ANXA4: variants seen among roughly 807,000 people sequenced by gnomAD.
The protein encoded by ANXA4 is 35-beta calcimedin.
ANXA4 carries 39 observed loss-of-function variants against 49.8 expected under a neutral mutation model. That is an observed-to-expected ratio of 0.78 (90% confidence interval 0.61 to 1.02). ANXA4 has a LOEUF of 1.02. Among genes scored for constraint, ANXA4 ranks in the 50% least tolerant of loss-of-function variants. The pLI, the probability that ANXA4 is intolerant of heterozygous loss-of-function variation, is 0.00. For missense variants in ANXA4, 360 were observed against 410.1 expected (o/e 0.88, Z 1.05); for synonymous variants, 134 against 152.5 (o/e 0.88, Z 0.89).
intron 1 of ANXA4, among the ~76,000 whole-genome samples, chr2:69,776,535 ACATCAAG>A (rs1270772504): frequency 6.6e-6 from 1 of 151,284 alleles, no homozygotes; most frequent in Admixed American, 6.6e-5. Flanking sequence ...GGGGGTTCCC[ACATCAAG>A]CATCAAGCAG....
intron 3 of ANXA4, among the ~76,000 whole-genome samples, chr2:69,797,732 C>T (rs1205568206): frequency 6.6e-6 from 1 of 152,202 alleles, no homozygotes; most frequent in Non-Finnish European, 1.5e-5. Flanking sequence ...AGAGAGAGTA[C>T]TGAGACTAAA....
intron 2 of ANXA4, among the ~76,000 whole-genome samples, chr2:69,785,916 G>A (rs1379013350): frequency 6.6e-6 from 1 of 152,140 alleles, no homozygotes; most frequent in Non-Finnish European, 1.5e-5. Context: ...TACTGTTGGA[G>A]AGACCCAGGC....
intron 2 of ANXA4, among the ~76,000 whole-genome samples, chr2:69,680,883 T>G (rs1193395997): frequency 6.6e-6 from 1 of 152,192 alleles, no homozygotes; most frequent in Non-Finnish European, 1.5e-5. Context: ...ACCTTTTTGA[T>G]GTGCTGTTGG....
chr2:69,649,457 A>C (rs939425115), intron 1 of ANXA4, among the ~76,000 whole-genome samples: 1 of 151,094 alleles, frequency 6.6e-6, no homozygotes, highest in Non-Finnish European at 1.5e-5. Flanking sequence ...TTCCTATTTC[A>C]TTGTATATTC....
chr2:69,663,496 C>A (rs1373214175), intron 2 of ANXA4, among the ~76,000 whole-genome samples: 1 of 151,774 alleles, frequency 6.6e-6, no homozygotes, highest in Non-Finnish European at 1.5e-5. Context: ...TTGAGCTTCT[C>A]TGAGAAAGAT....
chr2:69,686,955 A>G (rs888073684), intron 2 of ANXA4, among the ~76,000 whole-genome samples: 3 of 152,212 alleles, frequency 2.0e-5, no homozygotes, highest in Admixed American at 6.5e-5. Flanking sequence ...ATTCCAGAAC[A>G]CATAACTTAA....
At chr2:69,735,131 G>C (rs185635981) in intron 3 of ANXA4, among the ~76,000 whole-genome samples, 22 of 152,306 alleles carry the variant, frequency 1.4e-4, no homozygotes, top group African/African-American at 5.1e-4. Context: ...ATTCCTGCCT[G>C]TAGGCCAAGC....
At chr2:69,690,635 T>C (rs1376773128) in intron 2 of ANXA4, among the ~76,000 whole-genome samples, 1 of 152,238 alleles carries the variant, frequency 6.6e-6, no homozygotes, top group East Asian at 1.9e-4. Flanking sequence ...AGGTTCTACA[T>C]TTTTCAAATG....
rs1334788750 is a variant in ANXA4, at chr2:69,714,438, A to G, written n.767-6336A>G. On this transcript the variant is annotated intron_variant and non_coding_transcript_variant, in intron 2 of 3. Transcript: ENST00000418066. ...CAACCGAAGCCGAAGGAAGCCTAAG[A>G]ATATAAGAGACGGGGCTTCGGCGAG... Among the ~76,000 whole-genome samples the G allele has an allele frequency of 3.9e-5, 6 of 152,226 alleles. No individual in the cohort carries two copies. In the East Asian group the frequency reaches 1.2e-3, roughly 29 times the overall value.
intron 2 of ANXA4, among the ~76,000 whole-genome samples, chr2:69,671,659 G>A (rs1677194356): frequency 6.6e-6 from 1 of 152,162 alleles, no homozygotes; most frequent in South Asian, 2.1e-4. Flanking sequence ...GGAGGCAAAG[G>A]TTGCAGTAAG....
At chr2:69,700,665 C>T (rs1678301894) in intron 2 of ANXA4, among the ~76,000 whole-genome samples, 2 of 152,286 alleles carry the variant, frequency 1.3e-5, no homozygotes, top group South Asian at 4.1e-4. Flanking sequence ...GAGCTCAAAC[C>T]ACCTTTTCAA....
chr2:69,676,444 A>G (rs62133969), intron 2 of ANXA4, among the ~76,000 whole-genome samples: 30,837 of 152,098 alleles, frequency 0.2, 3,816 homozygotes, highest in East Asian at 0.29. Flanking sequence ...CAAGTTTTCA[A>G]CCTCTTGAGA....
chr2:69,683,800 CA>C (rs1291068860), intron 2 of ANXA4, among the ~76,000 whole-genome samples: 1 of 152,166 alleles, frequency 6.6e-6, no homozygotes, highest in African/African-American at 2.4e-5. Context: ...ACAAATAAGG[CA>C]AGAGAATTTG....
chr2:69,725,379 T>C (rs992878541), intron 3 of ANXA4, among the ~76,000 whole-genome samples: 1 of 148,388 alleles, frequency 6.7e-6, no homozygotes, highest in Admixed American at 6.8e-5. Flanking sequence ...AAATTTATTA[T>C]TTATTTATAT....
intron 2 of ANXA4, chr2:69,713,840 TG>T (rs1678769946): frequency 6.6e-6 from 1 of 152,262 alleles, no homozygotes; most frequent in Non-Finnish European, 1.5e-5. Flanking sequence ...AAAGAAAGAA[TG>T]GGGGAAAAAC....
At position 69,825,456 on chromosome 2, in the gene ANXA4, G is replaced by T; in HGVS notation, c.907G>T (p.Gly303Cys). 6.2e-7 allele frequency: 1 copy of T among 1,605,880 alleles called. No individual in the cohort carries two copies. The highest frequency in any genetic ancestry group is 2.3e-5 in the East Asian group (1 of 44,410). Reference protein sequence around the residue: ...YGKSLYSFIKGDTSGDYRKVL... With the variant: ...YGKSLYSFIKCDTSGDYRKVL... ...CTAACTTTGCTTCCCTATCGAACAG[G>T]GTGACACATCTGGAGACTACAGGAA... The change falls in exon 13 of 13, where the codon GGT becomes TGT. Residue 303 changes from glycine (G) to cysteine (C), a missense_variant and splice_region_variant. Transcript: ENST00000394295.
intron 3 of ANXA4, among the ~76,000 whole-genome samples, chr2:69,723,505 G>T (rs893244934): frequency 1.4e-4 from 22 of 152,158 alleles, no homozygotes; most frequent in African/African-American, 4.8e-4. Flanking sequence ...AGTCACCATT[G>T]TTCCCTCTTC....
chr2:69,705,917 G>A (rs1678480041), intron 2 of ANXA4, among the ~76,000 whole-genome samples: 1 of 152,064 alleles, frequency 6.6e-6, no homozygotes, highest in Non-Finnish European at 1.5e-5. Flanking sequence ...AGGTAACAGA[G>A]CAAGACTTTG....
In ANXA4 at chr2:69,810,571, A is replaced by T. The variant is rs202123084; in HGVS notation, c.398-23A>T. On this transcript the variant is annotated intron_variant, in intron 6 of 12. Coordinates refer to ENST00000394295, the MANE Select transcript of ANXA4 (RefSeq NM_001153.5). ...TGGGCAAGACTCTTAATTCTGAAGTAGCTAATTTCACTCTCTTGCTAGAAT... is the reference window on the plus strand; with the variant it reads ...TGGGCAAGACTCTTAATTCTGAAGTTGCTAATTTCACTCTCTTGCTAGAAT... 14 of 1,600,804 alleles carry T rather than the reference A, an allele frequency of 8.7e-6. No homozygotes were observed. In the East Asian group the frequency reaches 2.7e-4, roughly 31 times the overall value.
Sources: gnomAD v4.1 joint callset for allele counts (sites outside exome capture counted in the v4.1 genomes callset) on GRCh38, gnomAD v4.1.1 for gene constraint, MANE v1.5 for transcripts, NCBI Gene and HGNC (gene_info 2026-07-23, HGNC 2026-07-21) for gene names.